The following PTPRD variants were observed in gnomAD, a reference collection of about 807,000 sequenced individuals.
PTPRD encodes the protein protein tyrosine phosphatase receptor type D.
In PTPRD, 34 loss-of-function variants were observed where a neutral mutation model predicts 214.5. The ratio of observed to expected loss-of-function variants is 0.16; its 90% CI spans 0.12 to 0.21. The LOEUF (loss-of-function observed/expected upper bound fraction) is 0.21. Ranked by LOEUF, PTPRD falls within the 10% of genes least tolerant of loss-of-function variation. PTPRD has a pLI of 1.00. For synonymous variants in PTPRD, 1,128 were observed against 845.7 expected (o/e 1.33, Z -5.79); for missense variants, 2,545 against 2,398.7 (o/e 1.06, Z -1.27).
intron 3 of PTPRD, among the ~76,000 whole-genome samples, chr9:10,263,353 A>C (rs1452335516): frequency 6.6e-6 from 1 of 152,124 alleles, no homozygotes; most frequent in Non-Finnish European, 1.5e-5. Context: ...GAGGGCTCAG[A>C]AGACAGGAAA....
At chr9:10,300,228 A>T (rs1196981440) in intron 3 of PTPRD, among the ~76,000 whole-genome samples, 2 of 152,166 alleles carry the variant, frequency 1.3e-5, no homozygotes, top group African/African-American at 4.8e-5. Flanking sequence ...TGCTGGCAAG[A>T]TGGCCGAATA....
chr9:10,539,147 G>C (rs2058535068), intron 2 of PTPRD, among the ~76,000 whole-genome samples: 1 of 152,118 alleles, frequency 6.6e-6, no homozygotes, highest in Non-Finnish European at 1.5e-5. Context: ...ATCCTTTCAA[G>C]AGAAAACAGC....
At chr9:8,367,728 AATAGTATTCTTTGT>A (rs2080320716) in intron 39 of PTPRD, among the ~76,000 whole-genome samples, 1 of 152,216 alleles carries the variant, frequency 6.6e-6, no homozygotes, top group African/African-American at 2.4e-5. Context: ...CAGAAAATAT[AATAGTATTCTTTGT>A]GGACATTAAC....
chr9:10,380,768 C>T (rs1255912015), intron 2 of PTPRD, among the ~76,000 whole-genome samples: 1 of 107,976 alleles, frequency 9.3e-6, no homozygotes, highest in African/African-American at 3.8e-5. Context: ...CATCCCAGCT[C>T]AAATAAATAT....
At chr9:9,725,133 T>C (rs1217970874) in intron 7 of PTPRD, among the ~76,000 whole-genome samples, 1 of 152,164 alleles carries the variant, frequency 6.6e-6, no homozygotes, top group African/African-American at 2.4e-5. Flanking sequence ...GTGATATGGT[T>C]TGGTTCTGTG....
intron 8 of PTPRD, among the ~76,000 whole-genome samples, chr9:9,464,802 T>G (rs1228242965): frequency 6.6e-6 from 1 of 152,160 alleles, no homozygotes; most frequent in Non-Finnish European, 1.5e-5. Context: ...TCCTCCAGTG[T>G]TTTGTGTCCT....
intron 11 of PTPRD, among the ~76,000 whole-genome samples, chr9:8,939,826 T>C (rs1035073264): frequency 6.6e-6 from 1 of 152,170 alleles, no homozygotes; most frequent in Non-Finnish European, 1.5e-5. Flanking sequence ...GGATGTTCAC[T>C]TAGTGTTGTA....
chr9:9,743,572 T>C (rs948218369), intron 6 of PTPRD, among the ~76,000 whole-genome samples: 1 of 152,060 alleles, frequency 6.6e-6, no homozygotes, highest in Non-Finnish European at 1.5e-5. Flanking sequence ...CCATAAATCA[T>C]GACCTAGTTC....
chr9:10,098,581 A>G (rs1187817546), intron 3 of PTPRD, among the ~76,000 whole-genome samples: 1 of 151,870 alleles, frequency 6.6e-6, no homozygotes, highest in Non-Finnish European at 1.5e-5. Context: ...GGAAAGAGGT[A>G]GAGGTATCTT....
At chr9:10,607,475 C>T (rs187927625) in intron 2 of PTPRD, among the ~76,000 whole-genome samples, 23 of 151,906 alleles carry the variant, frequency 1.5e-4, no homozygotes, top group African/African-American at 5.3e-4. Context: ...TACATAAATG[C>T]TCACATGCAA....
At chr9:9,393,080 T>C (rs963782401) in intron 9 of PTPRD, among the ~76,000 whole-genome samples, 2 of 152,092 alleles carry the variant, frequency 1.3e-5, no homozygotes, top group Non-Finnish European at 2.9e-5. Context: ...TCTTTTTCCT[T>C]TTTTACCCAA....
chr9:10,606,486 G>C (rs1005696279), intron 2 of PTPRD, among the ~76,000 whole-genome samples: 1 of 150,348 alleles, frequency 6.7e-6, no homozygotes, highest in African/African-American at 2.4e-5. Flanking sequence ...GCCTACACTG[G>C]TTCCACTTTA....
Position 8,714,697 on chromosome 9 carries a change from C to A in PTPRD, c.64+19083G>T, listed in dbSNP as rs532160248. Among the ~76,000 whole-genome samples the A allele has an allele frequency of 7.8e-4, 118 of 152,152 alleles. 1 individual carries two copies. The highest frequency in any genetic ancestry group is 2.8e-3 in the African/African-American group (117 of 41,514). On this transcript the variant is annotated intron_variant, in intron 12 of 45. Coordinates refer to ENST00000381196, the MANE Select transcript of PTPRD (RefSeq NM_002839.4). ...GCTAACTTCCCTACCTCCTTCAAAT[C>A]TTTGCTTAAATGTCACTTTCTCACT...
chr9:9,417,152 T>G (rs906329590), intron 8 of PTPRD, among the ~76,000 whole-genome samples: 2 of 152,144 alleles, frequency 1.3e-5, no homozygotes, highest in Non-Finnish European at 2.9e-5. Flanking sequence ...TTTCACTTGC[T>G]TCAGCTATAA....
intron 14 of PTPRD, among the ~76,000 whole-genome samples, chr9:8,530,122 T>C (rs1453580825): frequency 1.3e-5 from 2 of 152,064 alleles, no homozygotes; most frequent in African/African-American, 4.8e-5. Flanking sequence ...TGATGGTGAA[T>C]CATACTGAGG....
At chr9:10,464,392 GAGAGAGAGAGATAGAGAGAC>G (rs2098979451) in intron 2 of PTPRD, among the ~76,000 whole-genome samples, 1 of 147,844 alleles carries the variant, frequency 6.8e-6, no homozygotes, top group South Asian at 2.3e-4. Context: ...GAGAGAAAGA[GAGAGAGAGAGATAGAGAGAC>G]AGAGAGAGAG....
intron 27 of PTPRD, among the ~76,000 whole-genome samples, chr9:8,491,804 G>T (rs141239932): frequency 1.3e-3 from 195 of 152,268 alleles, no homozygotes; most frequent in African/African-American, 4.3e-3. Flanking sequence ...AGTGAGCATG[G>T]CACGCAGGAG....
intron 5 of PTPRD, among the ~76,000 whole-genome samples, chr9:9,794,475 G>A (rs2098989004): frequency 6.6e-6 from 1 of 151,758 alleles, no homozygotes; most frequent in South Asian, 2.1e-4. Context: ...TATCAATGTG[G>A]CTAGAGCAGA....
At chr9:9,650,530 T>A (rs2096310684) in intron 7 of PTPRD, among the ~76,000 whole-genome samples, 1 of 152,164 alleles carries the variant, frequency 6.6e-6, no homozygotes, top group Non-Finnish European at 1.5e-5. Context: ...CTTTTTTTGT[T>A]GTATCTTTGG....
Sources: gnomAD v4.1 joint callset for allele counts (sites outside exome capture counted in the v4.1 genomes callset) on GRCh38, gnomAD v4.1.1 for gene constraint, MANE v1.5 for transcripts, NCBI Gene and HGNC (gene_info 2026-07-23, HGNC 2026-07-21) for gene names.